MBD2: variants seen among roughly 807,000 people sequenced by gnomAD.
MBD2 encodes methyl-CpG binding domain protein 2, also known as methyl-CpG-binding domain protein 2.
A neutral mutation model predicts 39.3 loss-of-function variants in MBD2; 9 were observed. The observed-to-expected ratio is 0.23, with a 90% CI of 0.14 to 0.40. MBD2 has a LOEUF of 0.40. Among genes scored for constraint, MBD2 ranks in the 10% least tolerant of loss-of-function variants. The pLI, the probability that MBD2 is intolerant of heterozygous loss-of-function variation, is 1.00. For synonymous variants in MBD2, 233 were observed against 211.1 expected, an observed-to-expected ratio of 1.10 and a Z score of -0.90; for missense variants, 458 against 532.6, an observed-to-expected ratio of 0.86 and a Z score of 1.38.
intron 3 of MBD2, chr18:54,187,922 GC>G: frequency 2.1e-6 from 2 of 930,446 alleles, no homozygotes; most frequent in Non-Finnish European, 2.6e-6. Context: ...GAAAGTTTTG[GC>G]CCAATCCTTT....
At chr18:54,215,782 C>T (rs990426101) in intron 1 of MBD2, among the ~76,000 whole-genome samples, 2 of 151,686 alleles carry the variant, frequency 1.3e-5, no homozygotes, top group African/African-American at 4.8e-5. Flanking sequence ...GTGTGAGCCA[C>T]CAAGCCCGGC....
At chr18:54,223,945 T>A in intron 1 of MBD2, 73 bp downstream of exon 1, 1 of 1,332,008 alleles carries the variant, frequency 7.5e-7, no homozygotes, top group Admixed American at 2.2e-5. Flanking sequence ...GCGCTCATCC[T>A]CTGCCCAGGC....
chr18:54,188,897 G>C lies in MBD2; in HGVS notation c.817C>G (p.Arg273Gly). The C allele has an allele frequency of 6.2e-7, 1 of 1,607,112 alleles. No homozygotes were observed. The highest frequency in any genetic ancestry group is 8.5e-7 in the Non-Finnish European group (1 of 1,175,644). Residue 273 changes from arginine (R) to glycine (G), a missense_variant, in exon 3 of 7, where the codon CGA (arginine) becomes GGA (glycine). Around this residue, in one of 2 missense-constraint regions of MBD2, gnomAD observed 189 missense variants for 296.6 expected, o/e 0.64. Transcript: ENST00000256429. ...PSNKVKSDPQ[R>G]MNEQPRQLFW... ...ACCTGACGTGGCTGTTCATTCATTC[G>C]TTGTGGGTCTGATTTCACTTTATTA...
intron 1 of MBD2, chr18:54,222,136 G>A: frequency 3.4e-6 from 1 of 296,830 alleles, no homozygotes; most frequent in South Asian, 2.8e-5. Flanking sequence ...AGGTTATGCA[G>A]ACAGCCTGCT....
chr18:54,159,717 A>G, intron 6 of MBD2, 48 bp downstream of exon 6: 1 of 1,589,430 alleles, frequency 6.3e-7, no homozygotes, highest in Non-Finnish European at 8.5e-7. Context: ...TGTCCGGCCA[A>G]GAAAACACAC....
At chr18:54,214,590 C>T (rs1293697724) in intron 1 of MBD2, among the ~76,000 whole-genome samples, 1 of 152,124 alleles carries the variant, frequency 6.6e-6, no homozygotes. Flanking sequence ...TACAGTAAAC[C>T]TTCACATAAT....
chr18:54,193,979 GA>G (rs2086343916), intron 2 of MBD2, among the ~76,000 whole-genome samples: 2 of 152,144 alleles, frequency 1.3e-5, no homozygotes, highest in African/African-American at 4.8e-5. Flanking sequence ...AGGTGAGTCT[GA>G]AAGGGCCTAA....
chr18:54,203,885 G>A (rs560611685), intron 2 of MBD2, among the ~76,000 whole-genome samples: 4 of 152,198 alleles, frequency 2.6e-5, no homozygotes, highest in African/African-American at 9.7e-5. Flanking sequence ...TACTTTGCTA[G>A]ATGTTCTATA....
chr18:54,208,549 G>C (rs553132739), intron 1 of MBD2, among the ~76,000 whole-genome samples: 1 of 152,232 alleles, frequency 6.6e-6, no homozygotes, highest in East Asian at 1.9e-4. Context: ...GATCTCTTTT[G>C]TGCAATAAAA....
Position 54,172,413 on chromosome 18 carries a change from T to C in MBD2, c.841-6247A>G, listed in dbSNP as rs139115946. ...ACTTCCAGATAAGCGACACTAACGATGGTATGGGAGCAAGTATTTCAAAAA... is the reference window on the plus strand; with the variant it reads ...ACTTCCAGATAAGCGACACTAACGACGGTATGGGAGCAAGTATTTCAAAAA... On this transcript the variant is annotated intron_variant, in intron 3 of 6. Transcript: ENST00000256429. Among the ~76,000 whole-genome samples the C allele has an allele frequency of 7.1e-3, 1,074 of 152,208 alleles. 7 individuals carry two copies. The highest frequency in any genetic ancestry group is 0.014 in the Middle Eastern group (4 of 294).
chr18:54,164,631 G>T lies in MBD2; in HGVS notation c.1001C>A (p.Ala334Glu). ...AGCGGAGACTTGCCCTGTGATTGGC[G>T]CAGAGCTTGTGTGCAAAGCACTGGC... is the stretch of plus-strand genomic sequence containing the variant. ...AVASALHTSSAPITGQVSAAV... is the reference protein window; with the variant it reads ...AVASALHTSSEPITGQVSAAV... Residue 334 changes from alanine to glutamate, a missense_variant, in exon 5 of 7, where the codon GCG (alanine) becomes GAG (glutamate). This residue lies in a region of MBD2 where 189 missense variants were observed against 296.6 expected (regional missense o/e 0.64). Coordinates refer to ENST00000256429, the MANE Select transcript of MBD2 (RefSeq NM_003927.5). 2 of 1,614,114 alleles carry T rather than the reference G, an allele frequency of 1.2e-6. No homozygotes were observed. Among genetic ancestry groups the T allele is most frequent in the Non-Finnish European group, 1.7e-6 (2 of 1,179,992 alleles).
At chr18:54,168,628 TGTGTGTGTGTGTG>T (rs2086155781) in intron 3 of MBD2, among the ~76,000 whole-genome samples, 1 of 67,280 alleles carries the variant, frequency 1.5e-5, no homozygotes, top group African/African-American at 9.6e-5. Context: ...TGTGTGTGTG[TGTGTGTGTGTGTG>T]TGTGTGTGTG....
At chr18:54,185,962 A>G (rs2086283634) in intron 3 of MBD2, among the ~76,000 whole-genome samples, 1 of 152,116 alleles carries the variant, frequency 6.6e-6, no homozygotes, top group African/African-American at 2.4e-5. Flanking sequence ...GAGTCAATAC[A>G]TTAAAAATTC....
At chr18:54,209,041 T>A (rs534899400) in intron 1 of MBD2, among the ~76,000 whole-genome samples, 1 of 152,290 alleles carries the variant, frequency 6.6e-6, no homozygotes, top group Admixed American at 6.5e-5. Context: ...ACACCTGTAA[T>A]CCCAGCACTT....
At chr18:54,195,898 G>A (rs2086362216) in intron 2 of MBD2, among the ~76,000 whole-genome samples, 1 of 152,092 alleles carries the variant, frequency 6.6e-6, no homozygotes, top group African/African-American at 2.4e-5. Context: ...TTCAAACAAA[G>A]GTGTGCCTGA....
intron 3 of MBD2, among the ~76,000 whole-genome samples, chr18:54,182,613 G>C (rs1243982534): frequency 1.3e-5 from 2 of 152,144 alleles, no homozygotes; most frequent in East Asian, 3.8e-4. Flanking sequence ...GCACTGCAGG[G>C]TTTTCAGCAG....
chr18:54,223,531 CAAA>C (rs532252427), intron 1 of MBD2, among the ~76,000 whole-genome samples: 1 of 151,998 alleles, frequency 6.6e-6, no homozygotes, highest in African/African-American at 2.4e-5. Flanking sequence ...CAAGAAGTTC[CAAA>C]AAAACTTCAG....
At chr18:54,217,785 T>C (rs188781038) in intron 1 of MBD2, among the ~76,000 whole-genome samples, 38 of 152,340 alleles carry the variant, frequency 2.5e-4, no homozygotes, top group Admixed American at 6.5e-4. Flanking sequence ...TATGCATCAG[T>C]TCCTTTGAGC....
At chr18:54,197,587 A>G (rs1184659760) in intron 2 of MBD2, among the ~76,000 whole-genome samples, 1 of 152,170 alleles carries the variant, frequency 6.6e-6, no homozygotes. Flanking sequence ...TGGCACCTCT[A>G]TCTACCCACT....
Sources: gnomAD v4.1 joint callset for allele counts (sites outside exome capture counted in the v4.1 genomes callset) on GRCh38, gnomAD v4.1.1 for gene constraint, gnomAD v4.1.1 regional missense constraint, MANE v1.5 for transcripts, NCBI Gene and HGNC (gene_info 2026-07-23, HGNC 2026-07-21) for gene names.